The following CAST variants were observed in gnomAD, a reference collection of about 807,000 sequenced individuals.
The protein encoded by CAST is calpastatin, also known as MIR583 host.
A neutral mutation model predicts 119.6 loss-of-function variants in CAST; 76 were observed. That is an observed-to-expected ratio of 0.64 (90% CI 0.53 to 0.77). CAST has a LOEUF of 0.77. CAST is among the 30% of genes least tolerant of loss of function. CAST has a pLI of 0.00. For synonymous variants in CAST, 319 were observed against 331.6 expected, an observed-to-expected ratio of 0.96 and a Z score of 0.41; for missense variants, 953 against 946.5, an observed-to-expected ratio of 1.01 and a Z score of -0.09.
chr5:96,359,186 G>A, the CAST span, among the ~76,000 whole-genome samples: 4 of 152,076 alleles, frequency 2.6e-5, no homozygotes, highest in Non-Finnish European at 5.9e-5. Flanking sequence ...CCATTTGCTT[G>A]GTAAATATTT....
chr5:96,393,089 A>T, the CAST span: 1 of 1,614,098 alleles, frequency 6.2e-7, no homozygotes, highest in South Asian at 1.1e-5. Context: ...AAAAACATCA[A>T]CATAGTCATT....
the CAST span, among the ~76,000 whole-genome samples, chr5:96,363,771 T>C: frequency 1.3e-5 from 2 of 152,204 alleles, no homozygotes; most frequent in African/African-American, 4.8e-5. Context: ...TACAATCATG[T>C]CATTTGCAAA....
At chr5:96,196,505 T>C in the CAST span, among the ~76,000 whole-genome samples, 1 of 152,076 alleles carries the variant, frequency 6.6e-6, no homozygotes, top group Non-Finnish European at 1.5e-5. Context: ...AGAATTTTAG[T>C]TAGTGATAGA....
rs528925352 is a variant in CAST, at chr5:96,678,915, C to T, written c.138+3314C>T. 2.0e-5 allele frequency among the ~76,000 whole-genome samples: 3 copies of T among 152,230 alleles called. No individual in the cohort carries two copies. The South Asian group carries it at 6.2e-4, about 32-fold the overall frequency. On this transcript the variant is annotated intron_variant, in intron 2 of 31. Coordinates refer to ENST00000675179, the MANE Select transcript of CAST (RefSeq NM_001750.7). ...CCATGTGAATTTCAGAGTTCTTTCT[C>T]CCTTGCTATTTGTCAATAGTTTTTA...
chr5:96,017,588 A>G, the CAST span, among the ~76,000 whole-genome samples: 2 of 152,342 alleles, frequency 1.3e-5, no homozygotes, highest in East Asian at 3.8e-4. Flanking sequence ...TTTAAAAATC[A>G]TATAACAACT....
chr5:96,662,616 C>T, intron 1 of CAST, 119 bp downstream of exon 1: 1 of 1,193,250 alleles, frequency 8.4e-7, no homozygotes, highest in Non-Finnish European at 1.1e-6. Context: ...GGCGCCCCCG[C>T]GGGGCAGGGA....
the CAST span, among the ~76,000 whole-genome samples, chr5:96,143,457 T>C: frequency 6.6e-6 from 1 of 152,234 alleles, no homozygotes; most frequent in Non-Finnish European, 1.5e-5. Flanking sequence ...TTGCTATTGA[T>C]ACCACTTAAC....
chr5:96,624,804 C>G (rs960339361), intron 1 of CAST, among the ~76,000 whole-genome samples: 8 of 152,184 alleles, frequency 5.3e-5, no homozygotes, highest in African/African-American at 1.9e-4. Flanking sequence ...GAACCAGCGC[C>G]ATTTAATAAG....
chr5:96,016,506 T>A, the CAST span, among the ~76,000 whole-genome samples: 44 of 152,332 alleles, frequency 2.9e-4, no homozygotes, highest in Middle Eastern at 3.4e-3. Context: ...ATCTCCTTTC[T>A]CCTATACTGC....
chr5:96,555,103 G>A (rs1432177254), intron 1 of CAST, among the ~76,000 whole-genome samples: 14 of 152,322 alleles, frequency 9.2e-5, no homozygotes, highest in East Asian at 3.9e-4. Flanking sequence ...AGATGCACAC[G>A]TATGTTTATT....
chr5:96,072,658 T>G, the CAST span, among the ~76,000 whole-genome samples: 1 of 152,218 alleles, frequency 6.6e-6, no homozygotes. Context: ...TCTGGTGTGT[T>G]ACGCATTTGC....
At chr5:96,623,725 C>CA (rs1747664002) in intron 1 of CAST, among the ~76,000 whole-genome samples, 2 of 152,018 alleles carry the variant, frequency 1.3e-5, no homozygotes, top group Non-Finnish European at 2.9e-5. Context: ...TTTCTTTTTC[C>CA]AAAACAGTGC....
chr5:96,459,208 A>G, the CAST span, among the ~76,000 whole-genome samples: 1 of 152,186 alleles, frequency 6.6e-6, no homozygotes, highest in African/African-American at 2.4e-5. Flanking sequence ...CTTAACAGAA[A>G]TAAATGTCTG....
At chr5:96,741,390 G>C (rs1448489327) in intron 14 of CAST, 32 bp downstream of exon 14, 1 of 1,528,736 alleles carries the variant, frequency 6.5e-7, no homozygotes, top group East Asian at 2.2e-5. Context: ...AGGGAAACTT[G>C]TTAGGAACTA....
At chr5:96,686,609 A>C (rs539256352) in intron 2 of CAST, among the ~76,000 whole-genome samples, 1 of 152,262 alleles carries the variant, frequency 6.6e-6, no homozygotes, top group African/African-American at 2.4e-5. Flanking sequence ...TTGTGGAGTA[A>C]TAGAAGGTTT....
intron 1 of CAST, among the ~76,000 whole-genome samples, chr5:96,548,320 C>G (rs890408879): frequency 3.3e-5 from 5 of 152,144 alleles, no homozygotes; most frequent in African/African-American, 1.2e-4. Flanking sequence ...CTATGATTCT[C>G]CACTGTGGTA....
At chr5:96,382,999 A>G in the CAST span, among the ~76,000 whole-genome samples, 3 of 152,230 alleles carry the variant, frequency 2.0e-5, no homozygotes, top group East Asian at 1.9e-4. Flanking sequence ...CACCTTGTGT[A>G]CAAGACACGG....
intron 1 of CAST, chr5:96,631,009 G>A (rs550513946): frequency 2.1e-5 from 3 of 140,676 alleles, no homozygotes; most frequent in African/African-American, 7.5e-5. Context: ...TGTGCTTTTG[G>A]ACATTTGATA....
At chr5:96,271,889 A>G in the CAST span, among the ~76,000 whole-genome samples, 6 of 152,224 alleles carry the variant, frequency 3.9e-5, no homozygotes, top group East Asian at 1.2e-3. Flanking sequence ...CAGAATATAT[A>G]AGCAGCATAA....
Sources: gnomAD v4.1 joint callset for allele counts (sites outside exome capture counted in the v4.1 genomes callset) on GRCh38, gnomAD v4.1.1 for gene constraint, MANE v1.5 for transcripts, NCBI Gene and HGNC (gene_info 2026-07-23, HGNC 2026-07-21) for gene names.